The following LYN variants were observed in gnomAD, a reference collection of about 807,000 sequenced individuals.
LYN encodes the protein tyrosine-protein kinase Lyn.
Under a neutral mutation model 65.0 loss-of-function variants are expected in LYN, and 12 were observed. The observed-to-expected ratio is 0.18, with a 90% CI of 0.12 to 0.30. LYN has a LOEUF of 0.30. Ranked by LOEUF, LYN falls within the 10% of genes least tolerant of loss-of-function variation. The pLI, the probability that LYN is intolerant of heterozygous loss-of-function variation, is 1.00. For synonymous variants in LYN, 222 were observed against 221.2 expected, an observed-to-expected ratio of 1.00 and a Z score of -0.03; for missense variants, 380 against 623.2, an observed-to-expected ratio of 0.61 and a Z score of 4.16.
chr8:55,976,326 CA>C (rs35717306), intron 10 of LYN, among the ~76,000 whole-genome samples: 27,409 of 85,308 alleles, frequency 0.32, 2,212 homozygotes, highest in Middle Eastern at 0.42. Flanking sequence ...GACTCCATCT[CA>C]AAAAAAAAAA....
chr8:55,971,455 G>T (rs1047564522), intron 10 of LYN, among the ~76,000 whole-genome samples: 3 of 152,210 alleles, frequency 2.0e-5, no homozygotes, highest in African/African-American at 7.2e-5. Context: ...GTGGTGATTT[G>T]GGTGTCCCCA....
intron 10 of LYN, chr8:55,980,383 C>T (rs746047026): frequency 1.3e-5 from 2 of 152,306 alleles, no homozygotes; most frequent in African/African-American, 2.4e-5. Context: ...ACCTAGAGGT[C>T]CTCCACTCCC....
chr8:55,943,354 G>T (rs927317063), intron 2 of LYN, among the ~76,000 whole-genome samples: 5 of 152,008 alleles, frequency 3.3e-5, no homozygotes, highest in Non-Finnish European at 7.4e-5. Flanking sequence ...TACTTTGGGA[G>T]GTCACAAGGT....
intron 9 of LYN, among the ~76,000 whole-genome samples, chr8:55,967,348 A>G (rs1461924984): frequency 8.4e-6 from 1 of 119,688 alleles, no homozygotes; most frequent in East Asian, 2.3e-4. Flanking sequence ...AGAGTCTCAC[A>G]CTGTTGCCCG....
At chr8:55,897,921 A>G (rs1286731548) in intron 1 of LYN, among the ~76,000 whole-genome samples, 3 of 152,084 alleles carry the variant, frequency 2.0e-5, no homozygotes, top group Admixed American at 1.3e-4. Flanking sequence ...ACAAACAACA[A>G]CAACAACAAC....
intron 1 of LYN, among the ~76,000 whole-genome samples, chr8:55,930,563 T>G (rs1382512454): frequency 6.6e-6 from 1 of 152,204 alleles, no homozygotes; most frequent in Admixed American, 6.5e-5. Context: ...TAAGTTTCCA[T>G]GAGCTCATCT....
intron 1 of LYN, among the ~76,000 whole-genome samples, chr8:55,907,861 G>A (rs1262731980): frequency 6.6e-6 from 1 of 152,016 alleles, no homozygotes; most frequent in Non-Finnish European, 1.5e-5. Flanking sequence ...GTGAGACCCT[G>A]TTTCACATAA....
At chr8:55,945,175 G>T (rs570001063) in intron 2 of LYN, among the ~76,000 whole-genome samples, 1 of 152,292 alleles carries the variant, frequency 6.6e-6, no homozygotes, top group East Asian at 1.9e-4. Context: ...AAAATCTAGA[G>T]CAATAGTATA....
chr8:55,954,830 G>A (rs1464851635), intron 8 of LYN, among the ~76,000 whole-genome samples: 1 of 123,254 alleles, frequency 8.1e-6, no homozygotes, highest in East Asian at 2.0e-4. Flanking sequence ...GTGAGACCCT[G>A]CCTCAAAATA....
chr8:55,910,769 T>C (rs542736751), intron 1 of LYN, among the ~76,000 whole-genome samples: 1 of 152,314 alleles, frequency 6.6e-6, no homozygotes, highest in South Asian at 2.1e-4. Context: ...GTTTTGCTTA[T>C]AGCTGAAGAG....
intron 1 of LYN, among the ~76,000 whole-genome samples, chr8:55,900,141 G>C (rs969842325): frequency 6.6e-6 from 1 of 152,132 alleles, no homozygotes; most frequent in Admixed American, 6.6e-5. Flanking sequence ...CAAAACAAGA[G>C]AGCCCCCAGT....
intron 10 of LYN, among the ~76,000 whole-genome samples, chr8:55,984,683 C>A (rs1446186730): frequency 6.6e-6 from 1 of 152,224 alleles, no homozygotes; most frequent in Non-Finnish European, 1.5e-5. Context: ...TGGCTTCCCC[C>A]AGCCCAGTGG....
chr8:55,898,638 A>G (rs1217763349), intron 1 of LYN, among the ~76,000 whole-genome samples: 1 of 152,206 alleles, frequency 6.6e-6, no homozygotes, highest in Non-Finnish European at 1.5e-5. Context: ...TAATTCACTC[A>G]AAGTATACAA....
At position 55,952,235 on chromosome 8, in the gene LYN, C is replaced by G. The variant is rs1408013595; in HGVS notation, c.637+120C>G. ...ATCGTATTTCTCTTAGATACAGTTG[C>G]AGGTCATATTCTATAAGTGGTTCTA... On this transcript the variant is annotated intron_variant, in intron 7 of 12. Transcript: ENST00000519728. The G allele has an allele frequency of 3.9e-6, 3 of 770,910 alleles. No homozygotes were observed. The East Asian group carries it at 8.8e-5, about 23-fold the overall frequency. The allele number at this position is 770,910 out of a possible 1,614,324, so 47.8% of individuals were successfully genotyped here.
intron 12 of LYN, among the ~76,000 whole-genome samples, chr8:56,004,279 G>T (rs1473766524): frequency 2.0e-5 from 3 of 146,666 alleles, no homozygotes; most frequent in African/African-American, 5.1e-5. Flanking sequence ...TAAAAAAGTA[G>T]TACAGAAAGA....
At chr8:55,980,822 T>C (rs1299667205) in intron 10 of LYN, among the ~76,000 whole-genome samples, 1 of 152,260 alleles carries the variant, frequency 6.6e-6, no homozygotes, top group Non-Finnish European at 1.5e-5. Flanking sequence ...TCTAAGTTTA[T>C]GGTTGTTGGC....
At chr8:56,008,247 A>C (rs931628887) in intron 12 of LYN, among the ~76,000 whole-genome samples, 1 of 152,262 alleles carries the variant, frequency 6.6e-6, no homozygotes, top group African/African-American at 2.4e-5. Flanking sequence ...CACTGATTAG[A>C]AAATACATTC....
At chr8:55,929,721 A>G (rs1806205712) in intron 1 of LYN, among the ~76,000 whole-genome samples, 1 of 152,238 alleles carries the variant, frequency 6.6e-6, no homozygotes, top group African/African-American at 2.4e-5. Flanking sequence ...GATGCTGCTA[A>G]GTATCCTACA....
At chr8:55,920,986 C>G (rs964034631) in intron 1 of LYN, among the ~76,000 whole-genome samples, 1 of 152,032 alleles carries the variant, frequency 6.6e-6, no homozygotes, top group East Asian at 1.9e-4. Flanking sequence ...CGTGAACCAC[C>G]GCACCCAGCC....
Sources: allele counts gnomAD v4.1 joint callset (sites outside exome capture counted in the v4.1 genomes callset), GRCh38; gene constraint gnomAD v4.1.1; transcripts MANE v1.5; gene names NCBI Gene and HGNC (gene_info 2026-07-23, HGNC 2026-07-21).